Variants in PLPP4 observed in about 807,000 individuals in gnomAD.
PLPP4 encodes the protein diacylglycerol pyrophosphate like 2.
A neutral mutation model predicts 32.2 loss-of-function variants in PLPP4; 20 were observed. That is an observed-to-expected ratio of 0.62 (90% CI 0.44 to 0.90). PLPP4 has a LOEUF of 0.90. Ranked by LOEUF, PLPP4 falls within the 40% of genes least tolerant of loss-of-function variation. The pLI is 0.00. For synonymous variants in PLPP4, 127 were observed against 133.0 expected, an observed-to-expected ratio of 0.95 and a Z score of 0.31; for missense variants, 257 against 353.1, an observed-to-expected ratio of 0.73 and a Z score of 2.18.
chr10:120,460,239 C>T (rs935689669), intron 1 of PLPP4, among the ~76,000 whole-genome samples: 1 of 152,136 alleles, frequency 6.6e-6, no homozygotes, highest in African/African-American at 2.4e-5. Context: ...AGTGTGTAGG[C>T]CTTGAGGTCC....
At chr10:120,550,691 G>T (rs1286274993) in intron 5 of PLPP4, among the ~76,000 whole-genome samples, 4 of 151,774 alleles carry the variant, frequency 2.6e-5, no homozygotes, top group Non-Finnish European at 4.4e-5. Flanking sequence ...TAGAAATTCT[G>T]AATAAAAGTG....
chr10:120,511,439 T>C (rs940919632), intron 2 of PLPP4, among the ~76,000 whole-genome samples: 1 of 152,206 alleles, frequency 6.6e-6, no homozygotes, highest in African/African-American at 2.4e-5. Context: ...AACCTTAGAT[T>C]ATACCAGCTG....
rs1483410039 is a variant in PLPP4, at chr10:120,574,158, ACACACACACACTCTCTCTCTCTCTCTCT to A, written c.446-971_446-944del. ...CACACACACACACACACACACACAC[ACACACACACACTCTCTCTCTCTCTCTCT>A]CTCTCTCTCTCTCTCTCTCTCTCTC... On this transcript the variant is annotated intron_variant, in intron 5 of 6. Transcript: ENST00000398250. 3.0e-3 allele frequency among the ~76,000 whole-genome samples: 364 copies of A among 121,060 alleles called. 4 individuals are homozygous for A. Among genetic ancestry groups the A allele is most frequent in the African/African-American group, 0.011 (300 of 27,404 alleles). The allele number at this position is 121,060 out of a possible 152,430, so 79.4% of individuals were successfully genotyped here.
At chr10:120,518,317 A>G (rs1279254067) in intron 3 of PLPP4, among the ~76,000 whole-genome samples, 5 of 152,176 alleles carry the variant, frequency 3.3e-5, no homozygotes, top group Non-Finnish European at 5.9e-5. Context: ...TGGCAGAAAC[A>G]GTGATTTGTT....
intron 2 of PLPP4, among the ~76,000 whole-genome samples, chr10:120,509,193 A>G (rs1845625271): frequency 6.6e-6 from 1 of 152,246 alleles, no homozygotes; most frequent in Non-Finnish European, 1.5e-5. Context: ...GCATTCCATA[A>G]CTATTAGTGA....
rs1848398110 is a variant in PLPP4 at position 120,468,509 on chromosome 10, C to T, written c.56+11148C>T. Among the ~76,000 whole-genome samples the T allele has an allele frequency of 3.1e-5, 2 of 65,018 alleles. 1 individual carries two copies. Among genetic ancestry groups the T allele is most frequent in the Admixed American group, 4.3e-4 (2 of 4,640 alleles). The allele number at this position is 65,018 out of a possible 152,430, so 42.7% of individuals were successfully genotyped here. A position where few individuals can be genotyped will look rare whatever the true frequency, so the allele number is the denominator to read the frequency against. ...ATAAAGATACATAATACAGTTTTAA[C>T]GGTGGTTATTTTGTGCTGATGGGAT... On this transcript the variant is annotated intron_variant, in intron 1 of 6. Transcript: ENST00000398250.
At chr10:120,476,497 A>G (rs989010870) in intron 1 of PLPP4, among the ~76,000 whole-genome samples, 1 of 152,188 alleles carries the variant, frequency 6.6e-6, no homozygotes, top group Non-Finnish European at 1.5e-5. Flanking sequence ...GGTGGCACAG[A>G]TGGAATTAGA....
chr10:120,534,520 G>A (rs1315221924), intron 5 of PLPP4, among the ~76,000 whole-genome samples: 2 of 151,890 alleles, frequency 1.3e-5, no homozygotes, highest in Admixed American at 6.6e-5. Flanking sequence ...TTATTTCTTT[G>A]CGTATTTTTT....
At chr10:120,516,831 G>A (rs923251531) in intron 3 of PLPP4, among the ~76,000 whole-genome samples, 2 of 152,170 alleles carry the variant, frequency 1.3e-5, no homozygotes, top group African/African-American at 4.8e-5. Flanking sequence ...TGGTATCAAT[G>A]AGGGGCTCCT....
intron 6 of PLPP4, among the ~76,000 whole-genome samples, chr10:120,582,476 A>G (rs912159699): frequency 1.3e-5 from 2 of 152,224 alleles, no homozygotes; most frequent in South Asian, 4.2e-4. Flanking sequence ...CACCCTGATT[A>G]TCATATTTTA....
chr10:120,537,834 A>C (rs139013806), intron 5 of PLPP4, among the ~76,000 whole-genome samples: 14 of 152,060 alleles, frequency 9.2e-5, no homozygotes, highest in African/African-American at 3.1e-4. Context: ...TTATAGCTCA[A>C]TAAAGCTGAA....
intron 2 of PLPP4, among the ~76,000 whole-genome samples, chr10:120,508,168 A>C (rs1845583534): frequency 6.6e-6 from 1 of 152,174 alleles, no homozygotes; most frequent in Non-Finnish European, 1.5e-5. Context: ...GGAAGGCAGA[A>C]ATAAAGTCAT....
intron 1 of PLPP4, among the ~76,000 whole-genome samples, chr10:120,500,922 A>G (rs1050839555): frequency 6.6e-6 from 1 of 152,164 alleles, no homozygotes; most frequent in Non-Finnish European, 1.5e-5. Context: ...GCCAAATGCA[A>G]ATCAAATCCA....
intron 5 of PLPP4, among the ~76,000 whole-genome samples, chr10:120,561,078 A>G (rs771444802): frequency 4.0e-4 from 61 of 152,292 alleles, no homozygotes; most frequent in Non-Finnish European, 7.5e-4. Context: ...ACCATCTTCA[A>G]ATTTTCCCAG....
chr10:120,495,039 C>T (rs1844898423), intron 1 of PLPP4, among the ~76,000 whole-genome samples: 1 of 152,168 alleles, frequency 6.6e-6, no homozygotes, highest in South Asian at 2.1e-4. Flanking sequence ...TGTTGCTTGA[C>T]TTCCTTAAAA....
chr10:120,500,080 A>T (rs12784524), intron 1 of PLPP4, among the ~76,000 whole-genome samples: 1 of 151,940 alleles, frequency 6.6e-6, no homozygotes, highest in Non-Finnish European at 1.5e-5. Flanking sequence ...AAGGGACATC[A>T]ATCTTTCTTA....
At chr10:120,550,178 G>A (rs1847821983) in intron 5 of PLPP4, among the ~76,000 whole-genome samples, 1 of 151,862 alleles carries the variant, frequency 6.6e-6, no homozygotes, top group African/African-American at 2.4e-5. Context: ...ATGTCAATAT[G>A]CAATTAGAAA....
At chr10:120,585,376 G>T (rs970288107) in intron 6 of PLPP4, among the ~76,000 whole-genome samples, 1 of 152,082 alleles carries the variant, frequency 6.6e-6, no homozygotes, top group East Asian at 1.9e-4. Context: ...GTTTATTTAC[G>T]ATGCTATGAA....
chr10:120,528,074 T>TG (rs1445185050), intron 5 of PLPP4, among the ~76,000 whole-genome samples: 4 of 130,980 alleles, frequency 3.1e-5, no homozygotes, highest in African/African-American at 1.3e-4. Context: ...TCTCCGTTTT[T>TG]TTTTTTTTTT....
Sources: gnomAD v4.1 joint callset for allele counts (sites outside exome capture counted in the v4.1 genomes callset) on GRCh38, gnomAD v4.1.1 for gene constraint, MANE v1.5 for transcripts, NCBI Gene and HGNC (gene_info 2026-07-23, HGNC 2026-07-21) for gene names.